NOS1AP: variants seen among roughly 807,000 people sequenced by gnomAD.
NOS1AP encodes carboxyl-terminal PDZ ligand of neuronal nitric oxide synthase protein.
In NOS1AP, 21 loss-of-function variants were observed where a neutral mutation model predicts 56.2. That is an observed-to-expected ratio of 0.37 (90% confidence interval 0.26 to 0.54). The LOEUF is 0.54. Among genes scored for constraint, NOS1AP ranks in the 20% least tolerant of loss-of-function variants. The probability of loss-of-function intolerance (pLI) is 0.84; values close to 1 mark genes in which losing one functional copy is unlikely to be tolerated. For synonymous variants in NOS1AP, 270 were observed against 274.6 expected (o/e 0.98, Z 0.17); for missense variants, 522 against 657.8 (o/e 0.79, Z 2.26).
chr1:162,121,382 G>A (rs1002830694), intron 1 of NOS1AP, among the ~76,000 whole-genome samples: 1 of 152,008 alleles, frequency 6.6e-6, no homozygotes, highest in African/African-American at 2.4e-5. Flanking sequence ...GCCTCTCAAA[G>A]TGCTGGGGTT....
intron 1 of NOS1AP, among the ~76,000 whole-genome samples, chr1:162,137,883 A>G (rs1649069522): frequency 6.6e-6 from 1 of 152,068 alleles, no homozygotes; most frequent in South Asian, 2.1e-4. Context: ...AACCTCCTTA[A>G]CAGAAAGCAA....
At position 162,102,988 on chromosome 1, in the gene NOS1AP, T is replaced by C. The variant is rs552937538; in HGVS notation, c.105+32706T>C. On this transcript the variant is annotated intron_variant, in intron 1 of 9. Coordinates refer to ENST00000361897, the MANE Select transcript of NOS1AP (RefSeq NM_014697.3). ...TCTTCTGCTAGCTTTTGGGGGTTTG[T>C]TTGCTCTTGGTTCTCTAGTTCTTTT... Among the ~76,000 whole-genome samples, 19 of 152,264 alleles carry C rather than the reference T, an allele frequency of 1.2e-4. No homozygotes were observed. The South Asian group carries it at 3.7e-3, about 30-fold the overall frequency.
intron 2 of NOS1AP, among the ~76,000 whole-genome samples, chr1:162,160,818 A>G (rs1488898814): frequency 4.6e-5 from 7 of 152,216 alleles, no homozygotes; most frequent in Admixed American, 2.6e-4. Flanking sequence ...CTGCTGTAAC[A>G]AATTATTTAA....
intron 8 of NOS1AP, chr1:162,364,875 T>G: frequency 1.0e-6 from 1 of 992,942 alleles, no homozygotes; most frequent in Non-Finnish European, 1.2e-6. Flanking sequence ...TTTGGGTGAG[T>G]GGGAGAGGGA....
chr1:162,116,262 C>T (rs143022516), intron 1 of NOS1AP, among the ~76,000 whole-genome samples: 2 of 152,292 alleles, frequency 1.3e-5, no homozygotes, highest in East Asian at 1.9e-4. Context: ...GCATCCGTCA[C>T]ATTTCAGGTT....
chr1:162,080,705 C>G (rs530030001), intron 1 of NOS1AP, among the ~76,000 whole-genome samples: 4 of 152,302 alleles, frequency 2.6e-5, no homozygotes, highest in African/African-American at 9.6e-5. Context: ...GTGTGCATTG[C>G]TTGTCTCCTT....
At chr1:162,182,184 G>T (rs563537071) in intron 2 of NOS1AP, among the ~76,000 whole-genome samples, 1 of 152,118 alleles carries the variant, frequency 6.6e-6, no homozygotes, top group African/African-American at 2.4e-5. Context: ...TAATTGTTAC[G>T]ACAGTCATCA....
chr1:162,205,608 G>A (rs1025855853), intron 2 of NOS1AP, among the ~76,000 whole-genome samples: 1 of 152,196 alleles, frequency 6.6e-6, no homozygotes, highest in African/African-American at 2.4e-5. Flanking sequence ...CCAGAATAAT[G>A]TAATGGTTTT....
At chr1:162,088,058 C>T (rs1692042704) in intron 1 of NOS1AP, among the ~76,000 whole-genome samples, 2 of 152,006 alleles carry the variant, frequency 1.3e-5, no homozygotes, top group Admixed American at 6.6e-5. Flanking sequence ...CATCAGAACT[C>T]TATAGGGTCA....
chr1:162,265,055 T>A (rs1030786528), intron 2 of NOS1AP, among the ~76,000 whole-genome samples: 1 of 152,004 alleles, frequency 6.6e-6, no homozygotes, highest in African/African-American at 2.4e-5. Context: ...TCTCAAATGA[T>A]CCACCCACCT....
At position 162,325,341 on chromosome 1, in the gene NOS1AP, A is replaced by C. The variant is rs556609498; in HGVS notation, c.345-7676A>C. Among the ~76,000 whole-genome samples the C allele has an allele frequency of 1.8e-4, 28 of 152,180 alleles. 1 individual carries two copies. The highest frequency in any genetic ancestry group is 1.4e-3 in the Admixed American group (21 of 15,286). ...AGTAACAGCTGCGACAGGAGTGTGA[A>C]ACTGTGTTCATGCTGCAGGGCTGGT... On this transcript the variant is annotated intron_variant, in intron 4 of 9. Transcript: ENST00000361897.
chr1:162,272,174 A>T (rs1482537118), intron 2 of NOS1AP, among the ~76,000 whole-genome samples: 1 of 152,180 alleles, frequency 6.6e-6, no homozygotes. Context: ...ATAAGACAGT[A>T]ATCCCATCAT....
At chr1:162,283,273 G>C (rs922681227) in intron 2 of NOS1AP, among the ~76,000 whole-genome samples, 4 of 152,104 alleles carry the variant, frequency 2.6e-5, no homozygotes, top group Admixed American at 1.3e-4. Flanking sequence ...AGGAGCATCT[G>C]ATGGCCCCAG....
intron 2 of NOS1AP, among the ~76,000 whole-genome samples, chr1:162,237,511 T>A (rs776793330): frequency 9.9e-5 from 15 of 152,210 alleles, no homozygotes; most frequent in Non-Finnish European, 1.6e-4. Flanking sequence ...ATGATCCCCT[T>A]TTCAGCTCAG....
At chr1:162,214,373 A>G (rs1214524686) in intron 2 of NOS1AP, among the ~76,000 whole-genome samples, 1 of 152,160 alleles carries the variant, frequency 6.6e-6, no homozygotes, top group Non-Finnish European at 1.5e-5. Context: ...AGGTGATATC[A>G]GCATGGCCCT....
intron 1 of NOS1AP, among the ~76,000 whole-genome samples, chr1:162,135,382 A>G (rs1472778790): frequency 6.6e-6 from 1 of 152,218 alleles, no homozygotes; most frequent in Non-Finnish European, 1.5e-5. Flanking sequence ...AGGGGGAAAG[A>G]CAGGCTCTTG....
Position 162,142,417 on chromosome 1 carries a change from C to T in NOS1AP, c.106-11988C>T, listed in dbSNP as rs542465197. ...ATAATTTGGTGTGCGTGTGTTTCTGCGTGTGTGTGTGTTTAAATCATGAAA... is the reference window on the plus strand; with the variant it reads ...ATAATTTGGTGTGCGTGTGTTTCTGTGTGTGTGTGTGTTTAAATCATGAAA... On this transcript the variant is annotated intron_variant, in intron 1 of 9. Coordinates refer to ENST00000361897, the MANE Select transcript of NOS1AP (RefSeq NM_014697.3). Among the ~76,000 whole-genome samples the T allele has an allele frequency of 2.6e-5, 4 of 151,776 alleles. No individual in the cohort carries two copies. The South Asian group carries it at 6.2e-4, about 24-fold the overall frequency.
At chr1:162,161,613 G>A (rs555290356) in intron 2 of NOS1AP, among the ~76,000 whole-genome samples, 1 of 151,580 alleles carries the variant, frequency 6.6e-6, no homozygotes, top group Admixed American at 6.6e-5. Flanking sequence ...TTTTCCCTGA[G>A]ATGGGCTCTT....
intron 2 of NOS1AP, among the ~76,000 whole-genome samples, chr1:162,286,751 C>T (rs1655100347): frequency 6.6e-6 from 1 of 152,156 alleles, no homozygotes; most frequent in African/African-American, 2.4e-5. Flanking sequence ...TTAAATAAAA[C>T]TTAACAAATA....
Sources: gnomAD v4.1 joint callset for allele counts (sites outside exome capture counted in the v4.1 genomes callset) on GRCh38, gnomAD v4.1.1 for gene constraint, MANE v1.5 for transcripts, NCBI Gene and HGNC (gene_info 2026-07-23, HGNC 2026-07-21) for gene names.